Variants in MINDY4 observed in about 807,000 individuals in gnomAD.
The protein encoded by MINDY4 is MINDY lysine 48 deubiquitinase 4, also known as probable ubiquitin carboxyl-terminal hydrolase MINDY-4.
A neutral mutation model predicts 87.0 loss-of-function variants in MINDY4; 68 were observed. The ratio of observed to expected loss-of-function variants is 0.78; its 90% CI spans 0.64 to 0.96. MINDY4 has a LOEUF of 0.96. MINDY4 is among the 40% of genes least tolerant of loss of function. The pLI is 0.00. For synonymous variants in MINDY4, 379 were observed against 363.2 expected (o/e 1.04, Z -0.50); for missense variants, 919 against 928.2 (o/e 0.99, Z 0.13).
At chr7:30,775,961 T>C (rs1158454766) in intron 1 of MINDY4, among the ~76,000 whole-genome samples, 2 of 152,226 alleles carry the variant, frequency 1.3e-5, no homozygotes, top group Non-Finnish European at 2.9e-5. Flanking sequence ...GTGCACCTCA[T>C]ATCCAGTCCA....
intron 5 of MINDY4, among the ~76,000 whole-genome samples, chr7:30,805,402 G>A (rs1402107934): frequency 6.6e-6 from 1 of 152,220 alleles, no homozygotes; most frequent in Non-Finnish European, 1.5e-5. Context: ...CAAGAGTGGG[G>A]CAGAAACGCA....
At chr7:30,810,357 A>C (rs1226619380) in intron 5 of MINDY4, among the ~76,000 whole-genome samples, 2 of 151,300 alleles carry the variant, frequency 1.3e-5, no homozygotes, top group East Asian at 3.9e-4. Context: ...AAAAAAAAAA[A>C]GTTTATGTGC....
chr7:30,882,380 C>T lies in MINDY4; in HGVS notation c.2152+19C>T. ...ACCATTGGTGCGGGCCCTCACCCCC[C>T]CACCCACCCAACCCTGTCCCCAAGG... On this transcript the variant is annotated intron_variant, in intron 16 of 17. Transcript: ENST00000265299. 6.7e-7 allele frequency: 1 copy of T among 1,491,188 alleles called. No homozygotes were observed. The highest frequency in any genetic ancestry group is 9.0e-7 in the Non-Finnish European group (1 of 1,110,800). 92.4% of individuals were successfully genotyped at this position (1,491,188 alleles called of 1,614,324 possible). A position where few individuals can be genotyped will look rare whatever the true frequency, so the allele number is the denominator to read the frequency against.
At chr7:30,822,662 A>G (rs1380570850) in intron 5 of MINDY4, among the ~76,000 whole-genome samples, 1 of 85,132 alleles carries the variant, frequency 1.2e-5, no homozygotes, top group Non-Finnish European at 2.1e-5. Context: ...TTTTCAGACA[A>G]GGTTTCACTC....
chr7:30,815,825 G>T (rs1788130555), intron 5 of MINDY4, among the ~76,000 whole-genome samples: 1 of 152,196 alleles, frequency 6.6e-6, no homozygotes, highest in South Asian at 2.1e-4. Context: ...GGGCAGGGAG[G>T]TGTGAACTGG....
intron 3 of MINDY4, among the ~76,000 whole-genome samples, chr7:30,782,971 C>T (rs1039735650): frequency 6.6e-6 from 1 of 152,194 alleles, no homozygotes; most frequent in Non-Finnish European, 1.5e-5. Flanking sequence ...TACAAAATGC[C>T]TTCACAGCAA....
At chr7:30,810,174 C>CAAAAAAA (rs58498956) in intron 5 of MINDY4, among the ~76,000 whole-genome samples, 402 of 66,294 alleles carry the variant, frequency 6.1e-3, no homozygotes, top group Non-Finnish European at 7.8e-3. Flanking sequence ...GACTCTGTTT[C>CAAAAAAA]AAAAAAAAAA....
chr7:30,845,821 G>T (rs1324043431), intron 9 of MINDY4, among the ~76,000 whole-genome samples: 1 of 152,224 alleles, frequency 6.6e-6, no homozygotes, highest in African/African-American at 2.4e-5. Flanking sequence ...TGTTTTTTCT[G>T]CAGGACTGTC....
intron 17 of MINDY4, among the ~76,000 whole-genome samples, chr7:30,884,892 C>T (rs533922906): frequency 1.3e-5 from 2 of 152,274 alleles, no homozygotes; most frequent in East Asian, 1.9e-4. Context: ...GCCTGAACCT[C>T]CTCTTCCTCT....
At chr7:30,799,475 CA>C (rs1375984593) in intron 5 of MINDY4, among the ~76,000 whole-genome samples, 3 of 152,226 alleles carry the variant, frequency 2.0e-5, no homozygotes, top group Admixed American at 2.0e-4. Context: ...TTCCTGGCTG[CA>C]GCATTTTGAG....
At chr7:30,789,290 C>T (rs762789523) in intron 4 of MINDY4, among the ~76,000 whole-genome samples, 4 of 152,110 alleles carry the variant, frequency 2.6e-5, no homozygotes, top group Non-Finnish European at 5.9e-5. Flanking sequence ...TGCTTCACTG[C>T]CAAGGGCATT....
intron 5 of MINDY4, among the ~76,000 whole-genome samples, chr7:30,818,308 T>C (rs1474005999): frequency 1.3e-5 from 2 of 152,212 alleles, no homozygotes; most frequent in Non-Finnish European, 2.9e-5. Context: ...GATACAGTTG[T>C]CTATTTTATT....
intron 13 of MINDY4, among the ~76,000 whole-genome samples, chr7:30,860,532 C>A (rs188278302): frequency 1.3e-5 from 2 of 152,114 alleles, no homozygotes; most frequent in African/African-American, 2.4e-5. Flanking sequence ...TCTGGGCTGA[C>A]GGGTTGGGTG....
intron 5 of MINDY4, among the ~76,000 whole-genome samples, chr7:30,816,106 A>T (rs1442371250): frequency 6.6e-6 from 1 of 151,896 alleles, no homozygotes; most frequent in Non-Finnish European, 1.5e-5. Flanking sequence ...TTCCAGCTGG[A>T]TGAGCTGTAT....
Position 30,829,065 on chromosome 7 carries a change from TTCTCATTCAAAGTATCAGTATAGC to T in MINDY4, c.1132+332_1132+355del, listed in dbSNP as rs1172901739. Reference sequence around the variant, plus strand: ...GTTAACTAAGGTCTCCAGAAAACAGTTCTCATTCAAAGTATCAGTATAGCTCTGGCTGGGAAGGCCCGTCCTTTT... The same window carrying T: ...GTTAACTAAGGTCTCCAGAAAACAGTTCTGGCTGGGAAGGCCCGTCCTTTT... On this transcript the variant is annotated intron_variant, in intron 6 of 17. Transcript: ENST00000265299. Among the ~76,000 whole-genome samples, 35 of 152,142 alleles carry T rather than the reference TTCTCATTCAAAGTATCAGTATAGC, an allele frequency of 2.3e-4. 1 individual carries two copies. Among genetic ancestry groups the T allele is most frequent in the African/African-American group, 8.4e-4 (35 of 41,432 alleles).
At chr7:30,887,786 C>T (rs747531677) in intron 17 of MINDY4, among the ~76,000 whole-genome samples, 3 of 152,154 alleles carry the variant, frequency 2.0e-5, no homozygotes, top group Non-Finnish European at 4.4e-5. Context: ...CGGGGACCCG[C>T]GGGTGGCAGT....
intron 13 of MINDY4, among the ~76,000 whole-genome samples, chr7:30,860,315 C>T (rs975621481): frequency 3.3e-5 from 5 of 152,098 alleles, no homozygotes; most frequent in Non-Finnish European, 5.9e-5. Flanking sequence ...CGGGGGAGGA[C>T]AGTGGGGGCT....
chr7:30,857,617 C>T (rs1161219091), intron 12 of MINDY4: 2 of 111,928 alleles, frequency 1.8e-5, no homozygotes, highest in Admixed American at 7.6e-5. Flanking sequence ...GGACTACAGG[C>T]GCCCGCTACC....
intron 13 of MINDY4, 34 bp downstream of exon 13, chr7:30,859,358 G>A (rs1562557084): frequency 6.2e-7 from 1 of 1,603,298 alleles, no homozygotes; most frequent in Non-Finnish European, 8.5e-7. Context: ...CCCTGGGGCT[G>A]GGCTGGTCTG....
Sources: allele counts gnomAD v4.1 joint callset (sites outside exome capture counted in the v4.1 genomes callset), GRCh38; gene constraint gnomAD v4.1.1; transcripts MANE v1.5; gene names NCBI Gene and HGNC (gene_info 2026-07-23, HGNC 2026-07-21).